Variants in NCOR2 observed in about 807,000 individuals in gnomAD.
NCOR2 encodes nuclear receptor corepressor 2, also known as CTG repeat protein 26.
In NCOR2, 81 loss-of-function variants were observed where a neutral mutation model predicts 262.9. The observed-to-expected ratio is 0.31, with a 90% CI of 0.26 to 0.37. The LOEUF is 0.37. Among genes scored for constraint, NCOR2 ranks in the 10% least tolerant of loss-of-function variants. NCOR2 has a pLI of 1.00. For synonymous variants in NCOR2, 1,659 were observed against 1,559.3 expected, an observed-to-expected ratio of 1.06 and a Z score of -1.51; for missense variants, 3,385 against 3,621.4, an observed-to-expected ratio of 0.93 and a Z score of 1.68.
intron 1 of NCOR2, among the ~76,000 whole-genome samples, chr12:124,522,953 G>A (rs1326932424): frequency 6.6e-6 from 1 of 152,172 alleles, no homozygotes; most frequent in African/African-American, 2.4e-5. Context: ...CCAGCCACTC[G>A]TGGGCAGCTT....
chr12:124,547,478 C>G (rs567724175), intron 1 of NCOR2, among the ~76,000 whole-genome samples: 2 of 152,306 alleles, frequency 1.3e-5, no homozygotes, highest in South Asian at 4.1e-4. Context: ...GGGGACTACT[C>G]CATTTTTTTA....
chr12:124,419,765 G>A (rs1593455592), intron 13 of NCOR2, among the ~76,000 whole-genome samples, 192 bp downstream of exon 15: 1 of 152,342 alleles, frequency 6.6e-6, no homozygotes, highest in East Asian at 1.9e-4. Context: ...GGCAGGGTGA[G>A]CACCCCAGAG....
chr12:124,409,789 C>T (rs1040107944), intron 13 of NCOR2, among the ~76,000 whole-genome samples: 1 of 152,074 alleles, frequency 6.6e-6, no homozygotes, highest in African/African-American at 2.4e-5. Flanking sequence ...GCAGTGCTTC[C>T]ACCTCAGCCT....
intron 13 of NCOR2, among the ~76,000 whole-genome samples, chr12:124,404,917 T>C (rs1260036580): frequency 6.6e-6 from 1 of 152,210 alleles, no homozygotes; most frequent in African/African-American, 2.4e-5. Context: ...ACTGGTCACA[T>C]TCTGCAGAGG....
At chr12:124,518,702 G>A (rs895496698) in intron 1 of NCOR2, among the ~76,000 whole-genome samples, 1 of 152,262 alleles carries the variant, frequency 6.6e-6, no homozygotes, top group African/African-American at 2.4e-5. Flanking sequence ...GCTTCCAGCC[G>A]ACACTCGGGA....
intron 1 of NCOR2, among the ~76,000 whole-genome samples, chr12:124,547,989 C>T (rs1194509529): frequency 6.6e-6 from 1 of 152,018 alleles, no homozygotes; most frequent in Non-Finnish European, 1.5e-5. Context: ...AGATATAATT[C>T]TAAAACTTGT....
intron 45 of NCOR2, among the ~76,000 whole-genome samples, chr12:124,327,069 C>T (rs1486048522): frequency 6.6e-6 from 1 of 152,186 alleles, no homozygotes. Context: ...CCAGCCTGCT[C>T]TCCCCCAAGG....
intron 45 of NCOR2, 72 bp downstream of exon 47, chr12:124,327,337 G>A: frequency 8.2e-7 from 1 of 1,221,048 alleles, no homozygotes; most frequent in South Asian, 1.4e-5. Context: ...TGTCAGAGGA[G>A]CGCGGAGGAG....
At position 124,483,674 on chromosome 12, in the gene NCOR2, C is replaced by T; in HGVS notation, c.333G>A (p.Glu111=). 1 of 1,611,800 alleles carries T rather than the reference C, an allele frequency of 6.2e-7. No individual in the cohort carries two copies. The highest frequency in any genetic ancestry group is 8.5e-7 in the Non-Finnish European group (1 of 1,179,184). Residue 111 remains glutamate, a synonymous_variant, in exon 3 of 47, where the codon GAG becomes GAA. Coordinates refer to ENST00000405201, the Ensembl canonical transcript of NCOR2. This position sits in a 1 kb window ranked among gnomAD's most constrained non-coding sequence, Gnocchi z 6.3. ...GTCGCAGCAGGGGGTCAGGCAGCAG[C>T]TCTAGCCGAGGGCGCTTGCTTTCAA...
chr12:124,424,626 G>T (rs1415130194), intron 11 of NCOR2, among the ~76,000 whole-genome samples: 2 of 152,146 alleles, frequency 1.3e-5, no homozygotes, highest in African/African-American at 4.8e-5. Flanking sequence ...TCTGAGTTCG[G>T]TATCTGCACT....
exon 4 of NCOR2, chr12:124,473,085 G>A (rs372814794): frequency 9.9e-6 from 16 of 1,613,884 alleles, no homozygotes; most frequent in Non-Finnish European, 1.4e-5. Context: ...AGTGTGCGGG[G>A]GGCTGGGGGG....
intron 25 of NCOR2, 119 bp downstream of exon 27, chr12:124,354,718 G>A (rs1156607057): frequency 6.2e-6 from 8 of 1,283,208 alleles, no homozygotes; most frequent in East Asian, 5.1e-5. Context: ...GCTGAGGGGG[G>A]ACCTCCCAGC....
intron 1 of NCOR2, among the ~76,000 whole-genome samples, chr12:124,519,750 C>T (rs996199146): frequency 3.3e-5 from 5 of 152,198 alleles, no homozygotes; most frequent in African/African-American, 1.2e-4. Flanking sequence ...CCCAGCAGCT[C>T]GGACTGTGTG....
intron 1 of NCOR2, among the ~76,000 whole-genome samples, chr12:124,544,363 A>G (rs983535022): frequency 2.0e-4 from 30 of 152,216 alleles, no homozygotes; most frequent in African/African-American, 7.0e-4. Context: ...AGCTGAACAG[A>G]AAAACCACTG....
upstream of NCOR2, among the ~76,000 whole-genome samples, chr12:124,499,709 C>G (rs960642104): frequency 5.3e-5 from 8 of 152,068 alleles, no homozygotes; most frequent in African/African-American, 1.9e-4. Context: ...GAAGTGGGGA[C>G]AGAGTCATTC....
In NCOR2 at chr12:124,472,181, G is replaced by A. The variant is rs191906493; in HGVS notation, c.591+771C>T. Among the ~76,000 whole-genome samples the A allele has an allele frequency of 4.4e-3, 671 of 152,164 alleles. 4 individuals are homozygous for A. Among genetic ancestry groups the A allele is most frequent in the Non-Finnish European group, 7.1e-3 (485 of 68,010 alleles). On this transcript the variant is annotated intron_variant, in intron 4 of 46. Coordinates refer to ENST00000405201, the Ensembl canonical transcript of NCOR2. Reference sequence around the variant, plus strand: ...TGAGCAGAGACCTGAATGATACCAGGGAGCAAACCATGAAGAGCTGGGAAA... The same window carrying A: ...TGAGCAGAGACCTGAATGATACCAGAGAGCAAACCATGAAGAGCTGGGAAA...
At chr12:124,355,302 C>T in intron 24 of NCOR2, 130 bp downstream of exon 26, 3 of 1,173,758 alleles carry the variant, frequency 2.6e-6, no homozygotes, top group East Asian at 2.6e-5. Context: ...CAGCTCAGAC[C>T]CCAGATGCCT....
chr12:124,413,643 C>T (rs1258168802), intron 13 of NCOR2, among the ~76,000 whole-genome samples: 1 of 152,160 alleles, frequency 6.6e-6, no homozygotes, highest in African/African-American at 2.4e-5. Flanking sequence ...TCTGCGGCCA[C>T]CCACAGCAGC....
rs911188005 is a variant in NCOR2 at position 124,517,503 on chromosome 12, C to T, written c.-118+18062G>A. On this transcript the variant is annotated intron_variant, in intron 1 of 46. Transcript: ENST00000404621. This position sits in a 1 kb window ranked among gnomAD's most constrained non-coding sequence, Gnocchi z 7.6. The stretch of plus-strand genomic sequence containing the variant: ...AACCAGACATGGGCACCGAGCCAAG[C>T]GCCACCTCGGTGGGGAGCCGGGCGC... Among the ~76,000 whole-genome samples the T allele has an allele frequency of 3.3e-5, 5 of 152,216 alleles. No homozygotes were observed. The highest frequency in any genetic ancestry group is 7.3e-5 in the Non-Finnish European group (5 of 68,030).
Sources: allele counts gnomAD v4.1 joint callset (sites outside exome capture counted in the v4.1 genomes callset), GRCh38; gene constraint gnomAD v4.1.1; non-coding constraint Gnocchi (gnomAD v3.1); transcripts MANE v1.5; gene names NCBI Gene and HGNC (gene_info 2026-07-23, HGNC 2026-07-21).